The following PTPRD variants were observed in gnomAD, a reference collection of about 807,000 sequenced individuals.
PTPRD encodes receptor-type tyrosine-protein phosphatase delta.
PTPRD carries 34 observed loss-of-function variants against 214.5 expected under a neutral mutation model. The ratio of observed to expected loss-of-function variants is 0.16; its 90% CI spans 0.12 to 0.21. PTPRD has a LOEUF of 0.21. Among genes scored for constraint, PTPRD ranks in the 10% least tolerant of loss-of-function variants. The pLI, the probability that PTPRD is intolerant of heterozygous loss-of-function variation, is 1.00. For missense variants in PTPRD, 2,545 were observed against 2,398.7 expected (o/e 1.06, Z -1.27); for synonymous variants, 1,128 against 845.7 (o/e 1.33, Z -5.79).
At chr9:9,842,684 T>C (rs2153640497) in intron 5 of PTPRD, among the ~76,000 whole-genome samples, 1 of 151,672 alleles carries the variant, frequency 6.6e-6, no homozygotes, top group East Asian at 1.9e-4. Flanking sequence ...TTTTTTTTTT[T>C]CTTTTCCCCC....
chr9:9,374,800 A>C (rs576465133), intron 9 of PTPRD, among the ~76,000 whole-genome samples: 11 of 152,210 alleles, frequency 7.2e-5, no homozygotes, highest in Admixed American at 3.9e-4. Flanking sequence ...GCAAGGTCTG[A>C]AACATCACCA....
At chr9:10,403,764 T>A (rs1341561683) in intron 2 of PTPRD, among the ~76,000 whole-genome samples, 1 of 151,752 alleles carries the variant, frequency 6.6e-6, no homozygotes, top group African/African-American at 2.4e-5. Flanking sequence ...ACACACTATA[T>A]GACTGTAACT....
intron 10 of PTPRD, among the ~76,000 whole-genome samples, chr9:9,040,327 G>T (rs1387546870): frequency 3.9e-5 from 6 of 152,290 alleles, no homozygotes; most frequent in African/African-American, 1.2e-4. Flanking sequence ...GTCTTCTGGT[G>T]ATGGGCTTAA....
chr9:10,097,588 T>A (rs986080597), intron 3 of PTPRD, among the ~76,000 whole-genome samples: 3 of 151,836 alleles, frequency 2.0e-5, no homozygotes, highest in Non-Finnish European at 4.4e-5. Flanking sequence ...ACATTGATTT[T>A]GTATCCTGAG....
intron 3 of PTPRD, among the ~76,000 whole-genome samples, chr9:10,245,828 C>T (rs546218095): frequency 1.3e-3 from 203 of 151,936 alleles, no homozygotes; most frequent in Non-Finnish European, 2.4e-3. Flanking sequence ...TAAGTAAGCT[C>T]AAATAAGGAA....
At chr9:8,333,884 G>C (rs1437573945) in intron 43 of PTPRD, among the ~76,000 whole-genome samples, 2 of 152,046 alleles carry the variant, frequency 1.3e-5, no homozygotes, top group Non-Finnish European at 2.9e-5. Flanking sequence ...TGCAATCCTA[G>C]TCTCTGATAA....
chr9:10,248,508 T>C (rs1405875715), intron 3 of PTPRD, among the ~76,000 whole-genome samples: 6 of 19,828 alleles, frequency 3.0e-4, no homozygotes, highest in East Asian at 2.3e-3. Context: ...AGGGTACATA[T>C]AGCAAAAAAA....
intron 7 of PTPRD, among the ~76,000 whole-genome samples, chr9:9,640,591 T>G (rs758548782): frequency 3.9e-5 from 6 of 152,204 alleles, no homozygotes; most frequent in Non-Finnish European, 7.3e-5. Context: ...TATGTTCACA[T>G]AGAAGGTAAG....
intron 3 of PTPRD, among the ~76,000 whole-genome samples, chr9:10,269,431 G>C (rs898483697): frequency 1.3e-5 from 2 of 152,120 alleles, no homozygotes; most frequent in Non-Finnish European, 2.9e-5. Flanking sequence ...TAAACAGTAA[G>C]AAGTGTCAAC....
In PTPRD at chr9:9,250,242, C is replaced by G. The variant is rs138013655; in HGVS notation, c.-202-66879G>C. On this transcript the variant is annotated intron_variant, in intron 9 of 45. Coordinates refer to ENST00000381196, the MANE Select transcript of PTPRD (RefSeq NM_002839.4). Reference sequence around the variant, plus strand: ...GTGTAGCTTCATATTTTCCTGTTCCCTGAATGGATGTTTTCACCTATGATG... The same window carrying G: ...GTGTAGCTTCATATTTTCCTGTTCCGTGAATGGATGTTTTCACCTATGATG... 2.1e-3 allele frequency among the ~76,000 whole-genome samples: 312 copies of G among 152,190 alleles called. 2 individuals are homozygous for G. Among genetic ancestry groups the G allele is most frequent in the African/African-American group, 6.9e-3 (288 of 41,552 alleles).
chr9:9,508,629 A>G (rs183061635), intron 8 of PTPRD, among the ~76,000 whole-genome samples: 1 of 151,638 alleles, frequency 6.6e-6, no homozygotes, highest in East Asian at 1.9e-4. Flanking sequence ...CTATCACTTA[A>G]GTTTGCTTCT....
At chr9:10,299,695 A>G (rs1314341478) in intron 3 of PTPRD, among the ~76,000 whole-genome samples, 1 of 152,170 alleles carries the variant, frequency 6.6e-6, no homozygotes, top group Non-Finnish European at 1.5e-5. Context: ...TGGAGTCACT[A>G]CAGGTCATAA....
chr9:10,002,348 T>TATATA, intron 4 of PTPRD, among the ~76,000 whole-genome samples: 1 of 112,328 alleles, frequency 8.9e-6, no homozygotes, highest in South Asian at 3.3e-4. Context: ...ATATATATAT[T>TATATA]TATATAAAGA....
At chr9:9,318,335 G>C (rs1595704011) in intron 9 of PTPRD, among the ~76,000 whole-genome samples, 1 of 151,894 alleles carries the variant, frequency 6.6e-6, no homozygotes, top group Middle Eastern at 3.4e-3. Context: ...CTAGTTAAGA[G>C]TCAGGAAAGT....
At chr9:9,062,982 A>G (rs2099710402) in intron 10 of PTPRD, among the ~76,000 whole-genome samples, 1 of 152,206 alleles carries the variant, frequency 6.6e-6, no homozygotes, top group Admixed American at 6.5e-5. Flanking sequence ...GAAATGTAAT[A>G]TCACAGTGGG....
At chr9:10,390,429 A>G (rs2098034922) in intron 2 of PTPRD, among the ~76,000 whole-genome samples, 1 of 151,790 alleles carries the variant, frequency 6.6e-6, no homozygotes, top group Non-Finnish European at 1.5e-5. Context: ...GAGAGTCGGT[A>G]AAGGCAGTTG....
At chr9:9,215,356 A>G (rs1180799322) in intron 9 of PTPRD, among the ~76,000 whole-genome samples, 1 of 152,216 alleles carries the variant, frequency 6.6e-6, no homozygotes, top group Non-Finnish European at 1.5e-5. Context: ...CCACTCAGCC[A>G]CTTACTGAAA....
At chr9:10,491,492 A>G (rs1311369349) in intron 2 of PTPRD, among the ~76,000 whole-genome samples, 9 of 152,052 alleles carry the variant, frequency 5.9e-5, no homozygotes. Context: ...ATCTTTAGGT[A>G]TAGATGCTAC....
intron 14 of PTPRD, among the ~76,000 whole-genome samples, chr9:8,596,772 A>G (rs2094498756): frequency 1.3e-5 from 2 of 152,136 alleles, no homozygotes; most frequent in Non-Finnish European, 2.9e-5. Flanking sequence ...TATCTAAGCT[A>G]GGCAACACAA....
Sources: gnomAD v4.1 joint callset for allele counts (sites outside exome capture counted in the v4.1 genomes callset) on GRCh38, gnomAD v4.1.1 for gene constraint, MANE v1.5 for transcripts, NCBI Gene and HGNC (gene_info 2026-07-23, HGNC 2026-07-21) for gene names.